GRM8: variants seen among roughly 807,000 people sequenced by gnomAD.
GRM8 encodes glutamate metabotropic receptor 8.
In GRM8, 47 loss-of-function variants were observed where a neutral mutation model predicts 87.2. The observed-to-expected ratio is 0.54, with a 90% CI of 0.43 to 0.69. The LOEUF (loss-of-function observed/expected upper bound fraction) is 0.69. Among genes scored for constraint, GRM8 ranks in the 30% least tolerant of loss-of-function variants. The probability of loss-of-function intolerance (pLI) is 0.00; values close to 1 mark genes in which losing one functional copy is unlikely to be tolerated. For missense variants in GRM8, 1,019 were observed against 1,139.2 expected (o/e 0.89, Z 1.52); for synonymous variants, 396 against 404.5 (o/e 0.98, Z 0.25).
At chr7:126,571,453 G>C (rs1794682538) in intron 8 of GRM8, among the ~76,000 whole-genome samples, 1 of 152,124 alleles carries the variant, frequency 6.6e-6, no homozygotes, top group East Asian at 1.9e-4. Context: ...GACAAGGATG[G>C]GAGACCCATC....
chr7:126,923,192 A>G (rs934612519), intron 3 of GRM8, among the ~76,000 whole-genome samples: 1 of 152,092 alleles, frequency 6.6e-6, no homozygotes, highest in Non-Finnish European at 1.5e-5. Flanking sequence ...CTGATTGCTT[A>G]TTTGTTTGTT....
chr7:126,887,453 T>A (rs1800602758), intron 6 of GRM8, among the ~76,000 whole-genome samples: 1 of 152,038 alleles, frequency 6.6e-6, no homozygotes, highest in Non-Finnish European at 1.5e-5. Flanking sequence ...AAACAGAACA[T>A]GTTGTGAGTG....
At chr7:126,582,727 C>A (rs1474578982) in intron 8 of GRM8, among the ~76,000 whole-genome samples, 1 of 151,916 alleles carries the variant, frequency 6.6e-6, no homozygotes, top group African/African-American at 2.4e-5. Flanking sequence ...AAACCTAGGG[C>A]CCTTTAGAAT....
rs866315608 is a variant in GRM8, at chr7:127,252,831, G to C, written c.-346C>G. On this transcript the variant is annotated 5_prime_UTR_variant, in exon 1 of 11. Coordinates refer to ENST00000339582, the MANE Select transcript of GRM8 (RefSeq NM_000845.3). The surrounding 1 kb of genome is among the most constrained non-coding windows in gnomAD (Gnocchi z 4.9). ...CGCAGAGGGCGCGGTGAGGAAGCCC[G>C]CCGGGGGCCCGCAGCTCCATGTCAG... The C allele has an allele frequency of 4.0e-4, 83 of 208,334 alleles. No homozygotes were observed. In the Middle Eastern group the frequency reaches 0.01, roughly 25 times the overall value. The allele number at this position is 208,334 out of a possible 1,614,324, so 12.9% of individuals were successfully genotyped here. A position where few individuals can be genotyped will look rare whatever the true frequency, so the allele number is the denominator to read the frequency against.
At chr7:126,964,742 A>G (rs950158427) in intron 3 of GRM8, among the ~76,000 whole-genome samples, 1 of 152,224 alleles carries the variant, frequency 6.6e-6, no homozygotes, top group African/African-American at 2.4e-5. Flanking sequence ...ATTGTGGAAG[A>G]CAGTGTGGCA....
At chr7:126,907,259 GA>G (rs34699389) in intron 3 of GRM8, among the ~76,000 whole-genome samples, 1 of 107,700 alleles carries the variant, frequency 9.3e-6, no homozygotes, top group African/African-American at 3.6e-5. Flanking sequence ...AGGAGTAAGA[GA>G]AAGGAGGAGG....
At chr7:126,970,707 T>A (rs1810333216) in intron 3 of GRM8, among the ~76,000 whole-genome samples, 1 of 152,194 alleles carries the variant, frequency 6.6e-6, no homozygotes, top group Non-Finnish European at 1.5e-5. Context: ...CTGTTTGGCA[T>A]AAGAGGCTTA....
chr7:126,523,443 T>A (rs1490022434), intron 9 of GRM8, among the ~76,000 whole-genome samples: 1 of 151,932 alleles, frequency 6.6e-6, no homozygotes, highest in South Asian at 2.1e-4. Flanking sequence ...AAAAGATGAG[T>A]GATTTAGTGT....
intron 9 of GRM8, among the ~76,000 whole-genome samples, chr7:126,461,683 G>A (rs1234584980): frequency 6.6e-6 from 1 of 151,542 alleles, no homozygotes; most frequent in Non-Finnish European, 1.5e-5. Context: ...TTCATTGGAG[G>A]TTCTGGCTCT....
At chr7:127,002,034 G>A (rs1563400073) in intron 3 of GRM8, among the ~76,000 whole-genome samples, 1 of 151,730 alleles carries the variant, frequency 6.6e-6, no homozygotes, top group African/African-American at 2.4e-5. Flanking sequence ...TGGGGTTGTG[G>A]CTGGTAGGAG....
At chr7:126,500,192 T>C (rs1809433665) in intron 9 of GRM8, among the ~76,000 whole-genome samples, 1 of 151,934 alleles carries the variant, frequency 6.6e-6, no homozygotes, top group South Asian at 2.1e-4. Flanking sequence ...TACTGAAATT[T>C]TGTGCCCTTT....
At chr7:126,825,298 C>A (rs957743580) in intron 6 of GRM8, among the ~76,000 whole-genome samples, 1 of 152,138 alleles carries the variant, frequency 6.6e-6, no homozygotes, top group African/African-American at 2.4e-5. Flanking sequence ...AATCTCCTGA[C>A]CTTGTGATCT....
chr7:126,819,061 T>C (rs1193223916), intron 6 of GRM8, among the ~76,000 whole-genome samples: 2 of 152,122 alleles, frequency 1.3e-5, no homozygotes, highest in Non-Finnish European at 2.9e-5. Context: ...AGGGCGGCCA[T>C]CTGAGGGATC....
rs149084127 is a variant in GRM8, at chr7:126,675,002, C to T, written c.1358-65504G>A. On this transcript the variant is annotated intron_variant, in intron 7 of 10. Coordinates refer to ENST00000339582, the MANE Select transcript of GRM8 (RefSeq NM_000845.3). ...CAAGTCACTTTGTGTCTCAAATAAT[C>T]TTTTATGAACTGAACGTTCGTGTCC... 6.6e-5 allele frequency among the ~76,000 whole-genome samples: 10 copies of T among 152,272 alleles called. No homozygotes were observed. In the East Asian group the frequency reaches 1.9e-3, roughly 29 times the overall value.
intron 3 of GRM8, among the ~76,000 whole-genome samples, chr7:126,911,791 G>A (rs1586428167): frequency 6.6e-6 from 1 of 152,118 alleles, no homozygotes; most frequent in Admixed American, 6.6e-5. Flanking sequence ...GGCCACAAAG[G>A]CCAGGCCATT....
chr7:126,704,158 G>A (rs1810239764), intron 7 of GRM8, among the ~76,000 whole-genome samples: 1 of 152,164 alleles, frequency 6.6e-6, no homozygotes, highest in South Asian at 2.1e-4. Flanking sequence ...GCAGAAGAAT[G>A]TGAATTGTGA....
intron 6 of GRM8, among the ~76,000 whole-genome samples, chr7:126,800,086 T>C (rs1822481993): frequency 6.6e-6 from 1 of 152,144 alleles, no homozygotes; most frequent in South Asian, 2.1e-4. Flanking sequence ...ATGACATGGT[T>C]ATCCTCCAAC....
intron 8 of GRM8, among the ~76,000 whole-genome samples, chr7:126,575,178 G>T (rs569552466): frequency 4.6e-5 from 7 of 151,838 alleles, no homozygotes; most frequent in East Asian, 1.9e-4. Context: ...CCTGAGTTCT[G>T]CCTCCTGTCA....
rs1329555954 is a variant in GRM8 at position 126,990,031 on chromosome 7, G to A, written c.728-85348C>T. Among the ~76,000 whole-genome samples, 4 of 152,096 alleles carry A rather than the reference G, an allele frequency of 2.6e-5. No individual in the cohort carries two copies. The East Asian group carries it at 7.7e-4, about 29-fold the overall frequency. ...GAAAATTGGATTAAAACCTTAAAGA[G>A]AAGTAAAATATTCTCCTTTACTGTC... is the stretch of plus-strand genomic sequence containing the variant. On this transcript the variant is annotated intron_variant, in intron 3 of 10. Coordinates refer to ENST00000339582, the MANE Select transcript of GRM8 (RefSeq NM_000845.3).
Sources: gnomAD v4.1 joint callset for allele counts (sites outside exome capture counted in the v4.1 genomes callset) on GRCh38, gnomAD v4.1.1 for gene constraint, Gnocchi (gnomAD v3.1) non-coding constraint, MANE v1.5 for transcripts, NCBI Gene and HGNC (gene_info 2026-07-23, HGNC 2026-07-21) for gene names.